DDX5: variants seen among roughly 807,000 people sequenced by gnomAD.
DDX5 encodes probable ATP-dependent RNA helicase DDX5.
Under a neutral mutation model 68.6 loss-of-function variants are expected in DDX5, and 6 were observed. The ratio of observed to expected loss-of-function variants is 0.09; its 90% confidence interval spans 0.05 to 0.17. The LOEUF (loss-of-function observed/expected upper bound fraction) is 0.17. Among genes scored for constraint, DDX5 ranks in the 10% least tolerant of loss-of-function variants. The pLI is 1.00. For missense variants in DDX5, 499 were observed against 756.1 expected, an observed-to-expected ratio of 0.66 and a Z score of 3.99; for synonymous variants, 350 against 247.0, an observed-to-expected ratio of 1.42 and a Z score of -3.91.
Position 64,502,715 on chromosome 17 carries a change from T to A in DDX5, c.984-166A>T, listed in dbSNP as rs1165283363. 21 of 714,532 alleles carry A rather than the reference T, an allele frequency of 2.9e-5. No homozygotes were observed. The East Asian group carries it at 4.9e-4, about 17-fold the overall frequency. 44.3% of individuals were successfully genotyped at this position (714,532 alleles called of 1,614,324 possible). The stretch of plus-strand genomic sequence containing the variant: ...AGCAGTTCGACCCTTGGTCCTTAAG[T>A]CAACCAGGGGACACATGAATTCCTT... On this transcript the variant is annotated intron_variant, in intron 8 of 12. Transcript: ENST00000225792.
Position 64,506,237 on chromosome 17 carries a change from C to G in DDX5, c.-118G>C. ...GGGGGCGGCAGCGGAGGAAGGACAC[C>G]GATGACACCAGCCGAAGCTGCACTA... On this transcript the variant is annotated 5_prime_UTR_variant, in exon 1 of 13. Transcript: ENST00000225792. 2 of 1,551,578 alleles carry G rather than the reference C, an allele frequency of 1.3e-6. No homozygotes were observed. Among genetic ancestry groups the G allele is most frequent in the African/African-American group, 1.4e-5 (1 of 73,474 alleles).
intron 2 of DDX5, 58 bp downstream of exon 2, chr17:64,504,619 C>A: frequency 6.5e-7 from 1 of 1,530,664 alleles, no homozygotes; most frequent in Non-Finnish European, 8.8e-7. Flanking sequence ...GTCAGAATTT[C>A]ATTTACTAGA....
In DDX5 at chr17:64,500,556, T is replaced by C. The variant is rs781944992; in HGVS notation, c.1434A>G (p.Arg478=). ...NPKLLQLVED[R]GSGRSRGRGG... ...CCTATCAGTCATCCTTACCTGAACC[T>C]CTGTCTTCGACCAACTGAAGCAACT... The change falls in exon 12 of 13, where the codon AGA becomes AGG. Residue 478 remains arginine (R), a synonymous_variant. Coordinates refer to ENST00000225792, the MANE Select transcript of DDX5 (RefSeq NM_004396.5). The C allele has an allele frequency of 5.6e-6, 9 of 1,613,306 alleles. No homozygotes were observed. Among genetic ancestry groups the C allele is most frequent in the Non-Finnish European group, 7.6e-6 (9 of 1,179,530 alleles).
chr17:64,505,671 C>T, intron 1 of DDX5: 1 of 1,452,574 alleles, frequency 6.9e-7, no homozygotes, highest in South Asian at 1.2e-5. Flanking sequence ...CCAACAGCAC[C>T]AGGGCTTTGG....
At position 64,499,445 on chromosome 17, in the gene DDX5, T is replaced by C. The variant is rs1281572309; in HGVS notation, c.*478A>G. Among the ~76,000 whole-genome samples the C allele has an allele frequency of 6.6e-6, 1 of 151,756 alleles. No individual in the cohort carries two copies. The highest frequency in any genetic ancestry group is 2.4e-5 in the African/African-American group (1 of 41,268). ...TTCATTCTGACTCCTGCAATATGAA[T>C]AGCTCATTATAAAGAAGGGCCTTCT... On this transcript the variant is annotated 3_prime_UTR_variant, in exon 13 of 13. Coordinates refer to ENST00000225792, the MANE Select transcript of DDX5 (RefSeq NM_004396.5).
At chr17:64,500,811 G>C (rs781856206) in intron 11 of DDX5, 38 bp from the exon 12 acceptor site, 4 of 1,502,942 alleles carry the variant, frequency 2.7e-6, no homozygotes, top group Non-Finnish European at 3.7e-6. Context: ...AGCAATGTAC[G>C]GAGTTTTGCA....
At chr17:64,502,373 G>A in intron 9 of DDX5, 66 bp downstream of exon 9, 3 of 1,448,916 alleles carry the variant, frequency 2.1e-6, no homozygotes, top group South Asian at 1.2e-5. Context: ...CACTGCTCGT[G>A]ATCCAAGTTT....
chr17:64,500,128 C>T lies in DDX5; in HGVS notation c.1640G>A (p.Ser547Asn), dbSNP rs1555670740. Residue 547 changes from serine (S) to asparagine (N), a missense_variant, in exon 13 of 13, where the codon AGT becomes AAT. Physicochemically the swap from Ser to Asn is conservative, Grantham distance 46 (BLOSUM62 1). Transcript: ENST00000225792. ...CTGTATACCAGCAGACACAAAATTA[C>T]TTCCAAAGCTCCCATTGGTGTAATT... The part of the protein sequence containing the change: ...AANYTNGSFG[S>N]NFVSAGIQTS... 2 of 1,614,200 alleles carry T rather than the reference C, an allele frequency of 1.2e-6. No homozygotes were observed. Among genetic ancestry groups the T allele is most frequent in the Non-Finnish European group, 1.7e-6 (2 of 1,180,030 alleles).
At chr17:64,501,000 C>G (rs2038284943) in intron 11 of DDX5, 6 of 570,040 alleles carry the variant, frequency 1.1e-5, no homozygotes, top group Non-Finnish European at 1.9e-5. Flanking sequence ...GTGACAGACC[C>G]TGTCAAAAGG....
In DDX5 at chr17:64,503,003, A is replaced by G. The variant is rs1555671400; in HGVS notation, c.906T>C (p.Ile302=). The part of the protein sequence containing the change: ...DFLKDYIHIN[I]GALELSANHN... ...GGTTTGCACTCAGTTCAAGTGCACC[A>G]ATGTTTATATGAATATAGTCTTTCA... The change falls in exon 8 of 13, where the codon ATT becomes ATC. Residue 302 remains isoleucine (I), a synonymous_variant. Coordinates refer to ENST00000225792, the MANE Select transcript of DDX5 (RefSeq NM_004396.5). 3.7e-6 allele frequency: 6 copies of G among 1,613,970 alleles called. No homozygotes were observed. Among genetic ancestry groups the G allele is most frequent in the Non-Finnish European group, 2.5e-6 (3 of 1,179,994 alleles).
rs782398478 is a variant in DDX5 at position 64,500,730 on chromosome 17, G to A, written c.1260C>T (p.Asn420=). Residue 420 remains asparagine (N), a synonymous_variant, in exon 12 of 13, where the codon AAC becomes AAT. Transcript: ENST00000225792. ...TTCGATGAATATAATCCTCTGAGGA[G>A]TTAGGGTAGTCATAATTGATGACAA... The part of the protein sequence containing the change: ...VKFVINYDYP[N]SSEDYIHRIG... 13 of 1,614,166 alleles carry A rather than the reference G, an allele frequency of 8.1e-6. No individual in the cohort carries two copies. The highest frequency in any genetic ancestry group is 2.2e-5 in the East Asian group (1 of 44,884).
chr17:64,505,967 T>C, intron 1 of DDX5, 109 bp downstream of exon 1: 1 of 1,539,882 alleles, frequency 6.5e-7, no homozygotes, highest in Non-Finnish European at 8.7e-7. Context: ...AGTCCCAAGA[T>C]AGCCCGGAAA....
At chr17:64,506,409 C>A (rs1208078491), upstream of DDX5, 10 of 1,393,192 alleles carry the variant, frequency 7.2e-6, no homozygotes, top group South Asian at 1.5e-4. Context: ...GCAACGCCCG[C>A]TGGCGTTCCA....
chr17:64,504,007 C>T lies in DDX5; in HGVS notation c.417G>A (p.Gln139=). 1 of 1,614,190 alleles carries T rather than the reference C, an allele frequency of 6.2e-7. No homozygotes were observed. ...LSGLDMVGVA[Q]TGSGKTLSYL... ...CAGACAATGTTTTCCCAGATCCAGTCTGTGCCACTCCAACCATATCCAATC... is the reference window on the plus strand; with the variant it reads ...CAGACAATGTTTTCCCAGATCCAGTTTGTGCCACTCCAACCATATCCAATC... The change falls in exon 4 of 13, where the codon CAG becomes CAA. Residue 139 remains glutamine (Q), a synonymous_variant. Transcript: ENST00000225792.
At position 64,506,150 on chromosome 17, in the gene DDX5, A is replaced by G. The variant is rs901455182; in HGVS notation, c.-31T>C. The G allele has an allele frequency of 6.2e-7, 1 of 1,606,812 alleles. No homozygotes were observed. The highest frequency in any genetic ancestry group is 2.2e-5 in the East Asian group (1 of 44,654). The stretch of plus-strand genomic sequence containing the variant: ...CAATGGTTGCGGTTGGCGGGGAACG[A>G]AGTATATAGAAAAGCGTGCGACAAG... On this transcript the variant is annotated 5_prime_UTR_variant, in exon 1 of 13. Coordinates refer to ENST00000225792, the MANE Select transcript of DDX5 (RefSeq NM_004396.5).
At chr17:64,500,861 T>C in intron 11 of DDX5, 88 bp from the exon 12 acceptor site, 3 of 960,228 alleles carry the variant, frequency 3.1e-6, no homozygotes, top group Non-Finnish European at 4.9e-6. Context: ...GTTAGACAAT[T>C]GTATTCCCAA....
At chr17:64,506,031 C>CCCA in intron 1 of DDX5, 45 bp downstream of exon 1, 6 of 1,381,638 alleles carry the variant, frequency 4.3e-6, no homozygotes, top group Non-Finnish European at 5.9e-6. Flanking sequence ...CCCGCCCTCC[C>CCCA]ATCCCCCCAC....
chr17:64,506,255 C>T lies in DDX5; in HGVS notation c.-136G>A, dbSNP rs548120761. The T allele has an allele frequency of 4.5e-6, 7 of 1,546,780 alleles. No individual in the cohort carries two copies. Among genetic ancestry groups the T allele is most frequent in the South Asian group, 2.4e-5 (2 of 83,992 alleles). The stretch of plus-strand genomic sequence containing the variant: ...AGGACACCGATGACACCAGCCGAAG[C>T]TGCACTACTAGAGACCGGTAGAAAT... On this transcript the variant is annotated 5_prime_UTR_variant, in exon 1 of 13. Transcript: ENST00000225792.
In DDX5 at chr17:64,506,164, G is replaced by A. The variant is rs782365766; in HGVS notation, c.-45C>T. The A allele has an allele frequency of 3.1e-6, 5 of 1,600,922 alleles. No individual in the cohort carries two copies. Among genetic ancestry groups the A allele is most frequent in the South Asian group, 1.1e-5 (1 of 88,470 alleles). Reference sequence around the variant, plus strand: ...GGCGGGGAACGAAGTATATAGAAAAGCGTGCGACAAGTCGCTGGAAATGGC... The same window carrying A: ...GGCGGGGAACGAAGTATATAGAAAAACGTGCGACAAGTCGCTGGAAATGGC... On this transcript the variant is annotated 5_prime_UTR_variant, in exon 1 of 13. Transcript: ENST00000225792.
Sources: gnomAD v4.1 joint callset for allele counts (sites outside exome capture counted in the v4.1 genomes callset) on GRCh38, gnomAD v4.1.1 for gene constraint, MANE v1.5 for transcripts, NCBI Gene and HGNC (gene_info 2026-07-23, HGNC 2026-07-21) for gene names.